The following RBL1 variants were observed in gnomAD, a reference collection of about 807,000 sequenced individuals.
RBL1 encodes RB transcriptional corepressor like 1, also known as retinoblastoma-like protein 1.
A neutral mutation model predicts 123.0 loss-of-function variants in RBL1; 82 were observed. The observed-to-expected ratio is 0.67, with a 90% confidence interval of 0.56 to 0.80. RBL1 has a LOEUF of 0.80. Ranked by LOEUF, RBL1 falls within the 30% of genes least tolerant of loss-of-function variation. The pLI is 0.00. For missense variants in RBL1, 1,171 were observed against 1,299.6 expected, an observed-to-expected ratio of 0.90 and a Z score of 1.52; for synonymous variants, 405 against 441.3, an observed-to-expected ratio of 0.92 and a Z score of 1.03.
At position 37,062,827 on chromosome 20, in the gene RBL1, C is replaced by CGCCTGTAGTCCCAGCTACTTGGGAGGT. The variant is rs568654348; in HGVS notation, c.897-584_897-558dup. Among the ~76,000 whole-genome samples the CGCCTGTAGTCCCAGCTACTTGGGAGGT allele has an allele frequency of 8.7e-3, 1,316 of 151,520 alleles. 20 individuals are homozygous for CGCCTGTAGTCCCAGCTACTTGGGAGGT. The highest frequency in any genetic ancestry group is 0.031 in the African/African-American group (1,269 of 41,112). ...AAAATTAGCCGGGCGTGGTGGCGGGCGCCTGTAGTCCCAGCTACTTGGGAG... is the reference window on the plus strand; with the variant it reads ...AAAATTAGCCGGGCGTGGTGGCGGGCGCCTGTAGTCCCAGCTACTTGGGAGGTGCCTGTAGTCCCAGCTACTTGGGAG... On this transcript the variant is annotated intron_variant, in intron 7 of 21. Transcript: ENST00000373664.
At chr20:37,042,983 T>C (rs968167423) in intron 13 of RBL1, among the ~76,000 whole-genome samples, 10 of 146,604 alleles carry the variant, frequency 6.8e-5, no homozygotes, top group Non-Finnish European at 1.5e-4. Flanking sequence ...AAATAAAATG[T>C]AGCATCCATA....
At chr20:37,071,421 T>G (rs934239624) in intron 2 of RBL1, among the ~76,000 whole-genome samples, 6 of 151,976 alleles carry the variant, frequency 3.9e-5, no homozygotes, top group African/African-American at 1.4e-4. Flanking sequence ...TTTGGGAGGG[T>G]GAGGCTGGAG....
intron 11 of RBL1, among the ~76,000 whole-genome samples, chr20:37,054,504 T>TA (rs1193349300): frequency 6.6e-6 from 1 of 150,730 alleles, no homozygotes; most frequent in East Asian, 2.0e-4. Context: ...TAAATAAAAT[T>TA]AAAAAAATTA....
At chr20:37,002,529 C>T (rs868145978) in intron 21 of RBL1, among the ~76,000 whole-genome samples, 5 of 149,816 alleles carry the variant, frequency 3.3e-5, no homozygotes, top group East Asian at 4.0e-4. Context: ...TTTTTAGAGA[C>T]GGGGTTTCAC....
rs141439815 is a variant in RBL1, at chr20:37,092,427, C to T, written c.157-3305G>A. 5.4e-3 allele frequency among the ~76,000 whole-genome samples: 824 copies of T among 152,112 alleles called. 8 individuals carry two copies. The highest frequency in any genetic ancestry group is 0.019 in the African/African-American group (780 of 41,498). On this transcript the variant is annotated intron_variant, in intron 1 of 21. Transcript: ENST00000373664. The stretch of plus-strand genomic sequence containing the variant: ...ATCAGGGCCACTGCAGTCTTGACTT[C>T]CCAGGAATGAGGGCCACTGCAGCCT...
Position 37,048,969 on chromosome 20 carries a change from A to AG in RBL1, c.1468-1780dup, listed in dbSNP as rs572891112. The stretch of plus-strand genomic sequence containing the variant: ...GTAATCCCAGCACTTTGGGAGGCCG[A>AG]GGGGGGTGGATTACCTGAGGTCAGG... On this transcript the variant is annotated intron_variant, in intron 11 of 21. Coordinates refer to ENST00000373664, the MANE Select transcript of RBL1 (RefSeq NM_002895.5). Among the ~76,000 whole-genome samples the AG allele has an allele frequency of 1.7e-3, 249 of 150,904 alleles. 2 individuals are homozygous for AG. Among genetic ancestry groups the AG allele is most frequent in the African/African-American group, 5.7e-3 (236 of 41,144 alleles).
rs752623698 is a variant in RBL1, at chr20:37,068,088, T to G, written c.389A>C (p.Glu130Ala). The change falls in exon 3 of 22, where the codon GAG becomes GCG. Residue 130 changes from glutamate to alanine, a missense_variant. Glu to Ala is a moderately radical substitution (Grantham distance 107, BLOSUM62 -1). Coordinates refer to ENST00000373664, the MANE Select transcript of RBL1 (RefSeq NM_002895.5). ...ERIERLERNF[E>A]VSTVIFKKYE... ...TTTTTTGAATATTACAGTAGACACC[T>G]CAAAATTTCTCTCTAGCCTTTCTAT... 5 of 1,613,698 alleles carry G rather than the reference T, an allele frequency of 3.1e-6. No individual in the cohort carries two copies. The Admixed American group carries it at 8.3e-5, about 27-fold the overall frequency.
intron 15 of RBL1, among the ~76,000 whole-genome samples, 175 bp from the exon 16 acceptor site, chr20:37,033,051 T>A (rs553544949): frequency 5.3e-5 from 8 of 150,120 alleles, no homozygotes; most frequent in African/African-American, 2.0e-4. Flanking sequence ...AGGGTCTCAC[T>A]TGGTCACTCA....
At chr20:37,036,318 C>T (rs545124198) in intron 14 of RBL1, among the ~76,000 whole-genome samples, 1 of 152,328 alleles carries the variant, frequency 6.6e-6, no homozygotes, top group East Asian at 1.9e-4. Context: ...TGCTCTGTCA[C>T]CCAGGCTGGA....
chr20:37,086,629 T>C (rs2065550685), intron 2 of RBL1, among the ~76,000 whole-genome samples: 1 of 152,220 alleles, frequency 6.6e-6, no homozygotes, highest in African/African-American at 2.4e-5. Context: ...TTGCTCCTCT[T>C]CTATTCTGGA....
rs780768436 is a variant in RBL1 at position 37,095,878 on chromosome 20, G to C, written c.51C>G (p.Ala17=). Residue 17 remains alanine (A), a synonymous_variant, in exon 1 of 22, where the codon GCC becomes GCG. Coordinates refer to ENST00000373664, the MANE Select transcript of RBL1 (RefSeq NM_002895.5). ...HAEGAAVVAA[A]GEALQALCQE... is the part of the protein sequence containing the mutation. The stretch of plus-strand genomic sequence containing the variant: ...GGCACAGGGCCTGTAGCGCCTCCCC[G>C]GCTGCGGCGACCACCGCCGCCCCCT... The C allele has an allele frequency of 6.2e-5, 100 of 1,604,098 alleles. No individual in the cohort carries two copies. Among genetic ancestry groups the C allele is most frequent in the Non-Finnish European group, 8.2e-5 (97 of 1,176,256 alleles).
At chr20:37,044,339 T>G in intron 12 of RBL1, 89 bp from the exon 13 acceptor site, 2 of 1,307,908 alleles carry the variant, frequency 1.5e-6, no homozygotes, top group Non-Finnish European at 2.1e-6. Flanking sequence ...GGCTTTCTTC[T>G]TCTTCTTCTT....
chr20:37,019,379 C>T (rs779701485), intron 18 of RBL1, among the ~76,000 whole-genome samples: 2 of 152,114 alleles, frequency 1.3e-5, no homozygotes, highest in Non-Finnish European at 2.9e-5. Flanking sequence ...TTATAGGTTA[C>T]TGGTATTAAG....
chr20:37,056,053 T>C (rs2064999035), intron 10 of RBL1, 93 bp downstream of exon 10: 1 of 1,459,992 alleles, frequency 6.8e-7, no homozygotes, highest in Admixed American at 2.7e-5. Flanking sequence ...AAAAAAGAAA[T>C]AAGAATAACG....
At position 37,066,766 on chromosome 20, in the gene RBL1, C is replaced by G. The variant is rs1401153022; in HGVS notation, c.804G>C (p.Glu268Asp). 1.2e-6 allele frequency: 2 copies of G among 1,613,572 alleles called. No homozygotes were observed. The highest frequency in any genetic ancestry group is 2.2e-5 in the East Asian group (1 of 44,880). Residue 268 changes from glutamate (E) to aspartate (D), a missense_variant, in exon 6 of 22, where the codon GAG becomes GAC. Glu to Asp is a conservative substitution (Grantham distance 45). Coordinates refer to ENST00000373664, the MANE Select transcript of RBL1 (RefSeq NM_002895.5). ...TTGAAATATATGGCTTAAAGTAGTG[C>G]TCCTTTATTCCTTTTGCTTCTACGA... ...GLLVEAKGIKEHYFKPYISKL... is the reference protein window; with the variant it reads ...GLLVEAKGIKDHYFKPYISKL...
At chr20:37,017,071 T>G (rs1405270170) in intron 19 of RBL1, among the ~76,000 whole-genome samples, 1 of 151,676 alleles carries the variant, frequency 6.6e-6, no homozygotes, top group Admixed American at 6.6e-5. Flanking sequence ...ACTGTGGCAT[T>G]AAAGAAATCA....
chr20:37,018,787 C>T (rs1182045623), intron 18 of RBL1, among the ~76,000 whole-genome samples: 2 of 152,048 alleles, frequency 1.3e-5, no homozygotes, highest in African/African-American at 4.8e-5. Context: ...CCCATCTCTA[C>T]TAAAAATACA....
In RBL1 at chr20:37,081,973, TC is replaced by T. The variant is rs1379484688; in HGVS notation, c.290+7015del. ...TCAGTAAATGGAGGCTCGCTTCAGG[TC>T]ACTTCATGGTTGCCAAAATGTCAAC... On this transcript the variant is annotated intron_variant, in intron 2 of 21. Transcript: ENST00000373664. The T allele has an allele frequency of 4.6e-5, 21 of 455,932 alleles. No homozygotes were observed. In the Admixed American group the frequency reaches 4.9e-4, roughly 11 times the overall value. 28.2% of individuals were successfully genotyped at this position (455,932 alleles called of 1,614,324 possible). A position where few individuals can be genotyped will look rare whatever the true frequency, so the allele number is the denominator to read the frequency against.
At position 37,006,838 on chromosome 20, in the gene RBL1, C is replaced by CAA. The variant is rs199689934; in HGVS notation, c.2871+571_2871+572dup. ...CCTGGGTGACAGGGTGAGACTGTCT[C>CAA]AAAAAAAAAAAAAAAAAGAAAACAA... On this transcript the variant is annotated intron_variant, in intron 20 of 21. Coordinates refer to ENST00000373664, the MANE Select transcript of RBL1 (RefSeq NM_002895.5). Among the ~76,000 whole-genome samples, 177 of 71,662 alleles carry CAA rather than the reference C, an allele frequency of 2.5e-3. 2 individuals carry two copies. The highest frequency in any genetic ancestry group is 7.7e-3 in the Middle Eastern group (1 of 130). The allele number at this position is 71,662 out of a possible 152,430, so 47.0% of individuals were successfully genotyped here. A position where few individuals can be genotyped will look rare whatever the true frequency, so the allele number is the denominator to read the frequency against.
Sources: gnomAD v4.1 joint callset for allele counts (sites outside exome capture counted in the v4.1 genomes callset) on GRCh38, gnomAD v4.1.1 for gene constraint, MANE v1.5 for transcripts, NCBI Gene and HGNC (gene_info 2026-07-23, HGNC 2026-07-21) for gene names.